MYO16: variants seen among roughly 807,000 people sequenced by gnomAD.
The protein encoded by MYO16 is myosin XVI, also known as unconventional myosin-XVI.
A neutral mutation model predicts 205.3 loss-of-function variants in MYO16; 94 were observed. The ratio of observed to expected loss-of-function variants is 0.46; its 90% CI spans 0.39 to 0.54. The LOEUF (loss-of-function observed/expected upper bound fraction) is 0.54. MYO16 is among the 20% of genes least tolerant of loss of function. The probability of loss-of-function intolerance (pLI) is 0.00; values close to 1 mark genes in which losing one functional copy is unlikely to be tolerated. For missense variants in MYO16, 2,315 were observed against 2,387.5 expected (o/e 0.97, Z 0.63); for synonymous variants, 988 against 954.0 (o/e 1.04, Z -0.66).
the MYO16 span, among the ~76,000 whole-genome samples, chr13:108,576,600 C>T: frequency 6.6e-6 from 1 of 152,056 alleles, no homozygotes; most frequent in Admixed American, 6.5e-5. Context: ...AGTAACTGCT[C>T]TTAGTTATGA....
intron 16 of MYO16, among the ~76,000 whole-genome samples, chr13:108,943,104 C>T (rs1001364928): frequency 5.9e-5 from 9 of 152,132 alleles, no homozygotes; most frequent in South Asian, 4.1e-4. Context: ...GTCCATCTAA[C>T]GAAAGAAATG....
chr13:108,737,379 G>A (rs60649442), intron 4 of MYO16, among the ~76,000 whole-genome samples: 1 of 152,206 alleles, frequency 6.6e-6, no homozygotes, highest in African/African-American at 2.4e-5. Flanking sequence ...GGCCTTTTCT[G>A]CATCTATTGA....
chr13:108,827,825 CT>C lies in MYO16; in HGVS notation c.1097+4550del, dbSNP rs1167970802. Among the ~76,000 whole-genome samples the C allele has an allele frequency of 2.0e-5, 3 of 152,120 alleles. No individual in the cohort carries two copies. In the East Asian group the frequency reaches 5.8e-4, roughly 29 times the overall value. ...TGAAACAGCTGCTGCTGAATATGCC[CT>C]TTAGCGTCTGAGCATGGACGTGCTC... On this transcript the variant is annotated intron_variant, in intron 9 of 34. Transcript: ENST00000457511.
At chr13:109,128,464 A>G (rs780539638) in intron 31 of MYO16, among the ~76,000 whole-genome samples, 19 of 152,192 alleles carry the variant, frequency 1.2e-4, no homozygotes, top group Non-Finnish European at 2.5e-4. Context: ...CCTTCAGTAA[A>G]TAAATGACCC....
At chr13:108,527,315 T>C in the MYO16 span, among the ~76,000 whole-genome samples, 1 of 152,212 alleles carries the variant, frequency 6.6e-6, no homozygotes, top group African/African-American at 2.4e-5. Context: ...AGCTGCAGAT[T>C]AACTGTAGTC....
chr13:109,129,981 CAA>C (rs34860945), intron 31 of MYO16, among the ~76,000 whole-genome samples: 168 of 98,918 alleles, frequency 1.7e-3, no homozygotes, highest in African/African-American at 2.7e-3. Flanking sequence ...CTATGGGCAG[CAA>C]AAAAAAAAAA....
At chr13:108,768,612 C>A (rs1419438150) in intron 4 of MYO16, among the ~76,000 whole-genome samples, 1 of 152,040 alleles carries the variant, frequency 6.6e-6, no homozygotes, top group Non-Finnish European at 1.5e-5. Flanking sequence ...CTAACATGCC[C>A]CAAAACCTTA....
chr13:109,193,512 T>C (rs1880014559), intron 34 of MYO16, among the ~76,000 whole-genome samples: 2 of 152,224 alleles, frequency 1.3e-5, no homozygotes, highest in African/African-American at 4.8e-5. Context: ...TCTTCATTCA[T>C]ATTTGATTCT....
chr13:108,551,353 G>T, the MYO16 span, among the ~76,000 whole-genome samples: 3 of 152,098 alleles, frequency 2.0e-5, no homozygotes, highest in African/African-American at 7.2e-5. Context: ...CAAAACTGAG[G>T]CTGCTTCTTC....
chr13:108,807,011 A>G (rs1489869281), intron 7 of MYO16, among the ~76,000 whole-genome samples: 1 of 152,222 alleles, frequency 6.6e-6, no homozygotes, highest in African/African-American at 2.4e-5. Context: ...TGAATATTGT[A>G]GTCAAGTCAT....
intron 2 of MYO16, among the ~76,000 whole-genome samples, chr13:108,705,105 A>G (rs1883457729): frequency 6.6e-6 from 1 of 152,216 alleles, no homozygotes; most frequent in African/African-American, 2.4e-5. Context: ...AGAAAATTCC[A>G]GAAATAAATA....
At chr13:109,187,304 C>A (rs1379348319) in intron 34 of MYO16, among the ~76,000 whole-genome samples, 2 of 152,128 alleles carry the variant, frequency 1.3e-5, no homozygotes, top group Non-Finnish European at 2.9e-5. Flanking sequence ...AGAAGTCTAT[C>A]AATTCTATTG....
intron 16 of MYO16, among the ~76,000 whole-genome samples, chr13:108,922,093 T>G (rs1881771484): frequency 6.6e-6 from 1 of 152,204 alleles, no homozygotes; most frequent in South Asian, 2.1e-4. Flanking sequence ...TGCGGCTCTG[T>G]CCAGAGCTGT....
At chr13:108,899,969 G>T (rs962270271) in intron 15 of MYO16, among the ~76,000 whole-genome samples, 5 of 152,196 alleles carry the variant, frequency 3.3e-5, no homozygotes, top group Middle Eastern at 3.2e-3. Context: ...AGAGCTCTGA[G>T]AGCTGAAAGC....
chr13:109,092,539 A>T (rs540806841), intron 27 of MYO16, among the ~76,000 whole-genome samples: 2 of 152,222 alleles, frequency 1.3e-5, no homozygotes, highest in African/African-American at 4.8e-5. Flanking sequence ...ATAAGAACTC[A>T]TGAACACAGA....
the MYO16 span, among the ~76,000 whole-genome samples, chr13:108,542,481 A>G: frequency 2.6e-5 from 4 of 152,140 alleles, no homozygotes; most frequent in East Asian, 7.7e-4. Context: ...AAAAGTTAAA[A>G]TATTTTTTAA....
chr13:108,984,379 AGC>A (rs1884554849), intron 20 of MYO16, among the ~76,000 whole-genome samples: 1 of 152,104 alleles, frequency 6.6e-6, no homozygotes. Context: ...CTCCATGGAG[AGC>A]CTGGATTCCT....
At chr13:108,546,166 G>C in the MYO16 span, among the ~76,000 whole-genome samples, 1 of 152,148 alleles carries the variant, frequency 6.6e-6, no homozygotes, top group African/African-American at 2.4e-5. Flanking sequence ...ACAAAAGTGA[G>C]GTCAGGGGCT....
chr13:109,187,181 G>A (rs1447882018), intron 34 of MYO16, among the ~76,000 whole-genome samples: 1 of 151,996 alleles, frequency 6.6e-6, no homozygotes, highest in Non-Finnish European at 1.5e-5. Context: ...CAACTTGTTT[G>A]CATGATTTTC....
Sources: allele counts gnomAD v4.1 joint callset (sites outside exome capture counted in the v4.1 genomes callset), GRCh38; gene constraint gnomAD v4.1.1; transcripts MANE v1.5; gene names NCBI Gene and HGNC (gene_info 2026-07-23, HGNC 2026-07-21).